The following TLN2 variants were observed in gnomAD, a reference collection of about 807,000 sequenced individuals.
TLN2 encodes talin 2.
Under a neutral mutation model 294.7 loss-of-function variants are expected in TLN2, and 118 were observed. That is an observed-to-expected ratio of 0.40 (90% CI 0.34 to 0.47). TLN2 has a LOEUF of 0.47. Ranked by LOEUF, TLN2 falls within the 20% of genes least tolerant of loss-of-function variation. The pLI is 0.84. For missense variants in TLN2, 3,083 were observed against 3,282.2 expected, an observed-to-expected ratio of 0.94 and a Z score of 1.48; for synonymous variants, 1,431 against 1,304.5, an observed-to-expected ratio of 1.10 and a Z score of -2.09.
intron 54 of TLN2, chr15:62,823,899 G>A (rs897337728): frequency 4.1e-6 from 2 of 490,948 alleles, no homozygotes; most frequent in Non-Finnish European, 8.4e-6. Flanking sequence ...ACCCCCTGCA[G>A]CCGTAACCTT....
At chr15:62,766,464 T>C in intron 41 of TLN2, 42 bp downstream of exon 41, 5 of 1,557,954 alleles carry the variant, frequency 3.2e-6, no homozygotes, top group Non-Finnish European at 4.4e-6. Flanking sequence ...GTGCGTGTTA[T>C]CACAGGAGAG....
intron 1 of TLN2, among the ~76,000 whole-genome samples, chr15:62,532,877 A>C (rs1038348935): frequency 6.6e-6 from 1 of 152,174 alleles, no homozygotes; most frequent in Admixed American, 6.5e-5. Flanking sequence ...GATAATTTTC[A>C]TGTAACTGTG....
rs889203364 is a variant in TLN2 at position 62,391,465 on chromosome 15, G to T, written c.-238+780G>T. ...AATTTTGCGCCCATTGGAAGCTGGA[G>T]GGACCTGGAGACGAGTATTTCGGGA... is the stretch of plus-strand genomic sequence containing the variant. On this transcript the variant is annotated intron_variant, in intron 1 of 58. Transcript: ENST00000636159. 2.0e-5 allele frequency among the ~76,000 whole-genome samples: 3 copies of T among 152,372 alleles called. No homozygotes were observed. The East Asian group carries it at 5.8e-4, about 29-fold the overall frequency.
Position 62,721,720 on chromosome 15 carries a change from T to A in TLN2, c.2992-633T>A, listed in dbSNP as rs187706920. ...AGCTGTAGAGCTGTTTATCATAGCA[T>A]TGTTTATTAAATTGGAAAAAATGGA... is the stretch of plus-strand genomic sequence containing the variant. On this transcript the variant is annotated intron_variant, in intron 25 of 58. Coordinates refer to ENST00000636159, the MANE Select transcript of TLN2 (RefSeq NM_015059.3). 2.0e-4 allele frequency among the ~76,000 whole-genome samples: 30 copies of A among 152,320 alleles called. No homozygotes were observed. In the East Asian group the frequency reaches 5.0e-3, roughly 25 times the overall value.
Position 62,727,449 on chromosome 15 carries a change from T to A in TLN2, c.3358+260T>A, listed in dbSNP as rs565605255. On this transcript the variant is annotated intron_variant, in intron 28 of 58. Transcript: ENST00000636159. The stretch of plus-strand genomic sequence containing the variant: ...AATAGTAATTGTAGACTTCCAGGTC[T>A]ATCTGTGAATCCTGGAATCCCGCTA... 6.6e-4 allele frequency among the ~76,000 whole-genome samples: 100 copies of A among 152,350 alleles called. No individual in the cohort carries two copies. In the South Asian group the frequency reaches 0.021, roughly 32 times the overall value.
intron 19 of TLN2, among the ~76,000 whole-genome samples, chr15:62,704,041 A>G (rs887887280): frequency 6.6e-6 from 1 of 152,220 alleles, no homozygotes; most frequent in Non-Finnish European, 1.5e-5. Flanking sequence ...GTTCTGGCCC[A>G]GGTTCTCTGA....
Position 62,423,370 on chromosome 15 carries a change from T to A in TLN2, c.-238+32685T>A, listed in dbSNP as rs576720844. The stretch of plus-strand genomic sequence containing the variant: ...CAGGTGATAGAGTGAGACCCTTTTT[T>A]AAAAAACAAAACAAAACAAAACAAC... On this transcript the variant is annotated intron_variant, in intron 1 of 58. Coordinates refer to ENST00000636159, the MANE Select transcript of TLN2 (RefSeq NM_015059.3). 7.2e-5 allele frequency among the ~76,000 whole-genome samples: 11 copies of A among 152,106 alleles called. No homozygotes were observed. In the East Asian group the frequency reaches 1.5e-3, roughly 21 times the overall value.
intron 1 of TLN2, among the ~76,000 whole-genome samples, chr15:62,438,460 T>G (rs1004160341): frequency 1.3e-5 from 2 of 152,212 alleles, no homozygotes; most frequent in East Asian, 3.8e-4. Flanking sequence ...TGCTGAGATT[T>G]TATTCTAAAC....
At chr15:62,667,173 A>C (rs7167647) in intron 9 of TLN2, among the ~76,000 whole-genome samples, 10 of 151,978 alleles carry the variant, frequency 6.6e-5, no homozygotes, top group Admixed American at 1.3e-4. Flanking sequence ...TCACCATGTT[A>C]GCCAGGATGG....
At chr15:62,416,028 G>T (rs1324323017) in intron 1 of TLN2, among the ~76,000 whole-genome samples, 2 of 152,270 alleles carry the variant, frequency 1.3e-5, no homozygotes, top group African/African-American at 2.4e-5. Flanking sequence ...GTTGGGCACA[G>T]TGGCTCATGC....
intron 1 of TLN2, among the ~76,000 whole-genome samples, chr15:62,468,960 C>A (rs999964969): frequency 6.6e-6 from 1 of 152,084 alleles, no homozygotes; most frequent in African/African-American, 2.4e-5. Context: ...GCCCAGAAAA[C>A]GGCTGCTGTA....
At chr15:62,623,785 C>T (rs1479712117) in intron 3 of TLN2, among the ~76,000 whole-genome samples, 4 of 152,094 alleles carry the variant, frequency 2.6e-5, no homozygotes, top group Non-Finnish European at 5.9e-5. Flanking sequence ...TTATGTATTT[C>T]ATTTGGAGAT....
intron 1 of TLN2, among the ~76,000 whole-genome samples, chr15:62,548,860 A>G (rs371190597): frequency 3.9e-5 from 6 of 152,142 alleles, no homozygotes; most frequent in Admixed American, 2.0e-4. Flanking sequence ...ATGTCGACTC[A>G]AGGATAAAAT....
At position 62,673,884 on chromosome 15, in the gene TLN2, C is replaced by G; in HGVS notation, c.846C>G (p.Ile282Met). 6.2e-7 allele frequency: 1 copy of G among 1,612,574 alleles called. No individual in the cohort carries two copies. The highest frequency in any genetic ancestry group is 8.5e-7 in the Non-Finnish European group (1 of 1,178,882). ...AGCAGAGAGGAGCTGAAAAGAGGAT[C>G]TTTCAGGTATTGGAAATGTACAGAA... ...YIKQRGAEKR[I>M]FQEHKNCGEM... The change falls in exon 10 of 59, where the codon ATC (isoleucine) becomes ATG (methionine). Residue 282 changes from isoleucine to methionine, a missense_variant. Transcript: ENST00000636159.
At chr15:62,589,997 C>T (rs986178871) in intron 2 of TLN2, among the ~76,000 whole-genome samples, 1 of 138,364 alleles carries the variant, frequency 7.2e-6, no homozygotes, top group African/African-American at 2.5e-5. Context: ...AGCTGAGTAG[C>T]TGGGTTTTTG....
intron 51 of TLN2, among the ~76,000 whole-genome samples, chr15:62,808,910 A>G (rs1228813841): frequency 2.0e-5 from 3 of 152,250 alleles, no homozygotes; most frequent in Admixed American, 6.5e-5. Context: ...GGGGAGCCCA[A>G]GGTATTCCCA....
At chr15:62,595,249 G>A (rs760225728) in intron 2 of TLN2, among the ~76,000 whole-genome samples, 10 of 151,920 alleles carry the variant, frequency 6.6e-5, no homozygotes, top group African/African-American at 9.7e-5. Flanking sequence ...GTGAAACCCC[G>A]TCTCTACTGA....
chr15:62,413,291 AT>A, intron 1 of TLN2, among the ~76,000 whole-genome samples: 1 of 152,160 alleles, frequency 6.6e-6, no homozygotes, highest in Admixed American at 6.5e-5. Flanking sequence ...CAGGGATCTT[AT>A]TTAGTCCATG....
At chr15:62,591,374 C>A (rs775965779) in intron 2 of TLN2, among the ~76,000 whole-genome samples, 1 of 152,134 alleles carries the variant, frequency 6.6e-6, no homozygotes, top group Non-Finnish European at 1.5e-5. Context: ...CTGTATCATT[C>A]CTCTGAAGCA....
Sources: gnomAD v4.1 joint callset for allele counts (sites outside exome capture counted in the v4.1 genomes callset) on GRCh38, gnomAD v4.1.1 for gene constraint, MANE v1.5 for transcripts, NCBI Gene and HGNC (gene_info 2026-07-23, HGNC 2026-07-21) for gene names.